CORO2B: variants seen among roughly 807,000 people sequenced by gnomAD.
CORO2B encodes coronin 2B, also known as coronin-2B.
A neutral mutation model predicts 58.8 loss-of-function variants in CORO2B; 26 were observed. The observed-to-expected ratio is 0.44, with a 90% CI of 0.32 to 0.61. CORO2B has a LOEUF of 0.61. CORO2B is among the 20% of genes least tolerant of loss of function. The probability of loss-of-function intolerance (pLI) is 0.04; values close to 1 mark genes in which losing one functional copy is unlikely to be tolerated. For missense variants in CORO2B, 460 were observed against 645.1 expected (o/e 0.71, Z 3.11); for synonymous variants, 242 against 253.8 (o/e 0.95, Z 0.44).
chr15:68,664,489 T>G (rs1172495226), intron 2 of CORO2B, among the ~76,000 whole-genome samples: 2 of 151,880 alleles, frequency 1.3e-5, no homozygotes, highest in African/African-American at 4.8e-5. Flanking sequence ...CCACTAAAAA[T>G]ACAAAAAATT....
chr15:68,547,802 A>T, the CORO2B span, among the ~76,000 whole-genome samples: 4 of 152,232 alleles, frequency 2.6e-5, no homozygotes, highest in Non-Finnish European at 5.9e-5. Context: ...TTCCATAAAT[A>T]TTAAATACTA....
At chr15:68,709,633 C>A (rs1432901804) in intron 3 of CORO2B, among the ~76,000 whole-genome samples, 1 of 151,692 alleles carries the variant, frequency 6.6e-6, no homozygotes, top group East Asian at 1.9e-4. Flanking sequence ...ATTTTTGTTT[C>A]TTTGGTAGAG....
chr15:68,692,603 A>AC (rs1233206067), intron 2 of CORO2B, among the ~76,000 whole-genome samples: 2 of 149,260 alleles, frequency 1.3e-5, no homozygotes, highest in African/African-American at 2.4e-5. Flanking sequence ...ATAAATAAAA[A>AC]AAATTAACAT....
intron 2 of CORO2B, among the ~76,000 whole-genome samples, chr15:68,649,047 C>T (rs543161041): frequency 2.6e-5 from 4 of 152,128 alleles, no homozygotes; most frequent in Admixed American, 6.5e-5. Flanking sequence ...ATTGCTTAAA[C>T]GTTTCTAAAC....
At chr15:68,719,092 G>A in intron 9 of CORO2B, 52 bp from the exon 10 acceptor site, 1 of 1,402,724 alleles carries the variant, frequency 7.1e-7, no homozygotes, top group Non-Finnish European at 1.0e-6. Context: ...GAAGAGTAGG[G>A]GCTTTCCCAG....
At chr15:68,554,958 G>GTGA in the CORO2B span, among the ~76,000 whole-genome samples, 1 of 152,206 alleles carries the variant, frequency 6.6e-6, no homozygotes, top group Non-Finnish European at 1.5e-5. Flanking sequence ...CCAGGGCTGT[G>GTGA]TGAGCGCAGA....
chr15:68,540,119 A>G, the CORO2B span, among the ~76,000 whole-genome samples: 8 of 152,380 alleles, frequency 5.3e-5, no homozygotes, highest in South Asian at 8.3e-4. Context: ...CATACTCTGT[A>G]ACATTAAAAT....
rs957367369 is a variant in CORO2B at position 68,645,463 on chromosome 15, C to T, written c.216+103C>T. On this transcript the variant is annotated intron_variant, in intron 2 of 11. Transcript: ENST00000261861. This position sits in a 1 kb window ranked among gnomAD's most constrained non-coding sequence, Gnocchi z 4.5. ...GACCCTACTTCTCTCTGAGTTCCCA[C>T]CTTTTACTTCCTCATCAAGCATCTA... is the stretch of plus-strand genomic sequence containing the variant. 4 of 1,049,198 alleles carry T rather than the reference C, an allele frequency of 3.8e-6. No individual in the cohort carries two copies. In the Admixed American group the frequency reaches 7.7e-5, roughly 20 times the overall value. 65.0% of individuals were successfully genotyped at this position (1,049,198 alleles called of 1,614,324 possible).
At chr15:68,633,837 G>A (rs1026993210) in intron 1 of CORO2B, among the ~76,000 whole-genome samples, 3 of 152,168 alleles carry the variant, frequency 2.0e-5, no homozygotes, top group Non-Finnish European at 4.4e-5. Flanking sequence ...TTATCTCTTG[G>A]GAAGGGGAAG....
chr15:68,677,626 G>T (rs1902631469), intron 2 of CORO2B, among the ~76,000 whole-genome samples: 1 of 152,194 alleles, frequency 6.6e-6, no homozygotes, highest in East Asian at 1.9e-4. Context: ...ACCTCCATGG[G>T]CAGGAAGAAA....
chr15:68,711,736 G>C, intron 5 of CORO2B, 30 bp downstream of exon 5: 1 of 1,613,194 alleles, frequency 6.2e-7, no homozygotes, highest in Non-Finnish European at 8.5e-7. Flanking sequence ...GAGATTGAAG[G>C]GGAAGGTATT....
At chr15:68,593,421 C>T (rs888694878) in intron 1 of CORO2B, among the ~76,000 whole-genome samples, 2 of 152,202 alleles carry the variant, frequency 1.3e-5, no homozygotes, top group East Asian at 1.9e-4. Flanking sequence ...AGGTGGGATC[C>T]AGGCAGTCAC....
chr15:68,533,786 T>C, the CORO2B span, among the ~76,000 whole-genome samples: 2 of 152,212 alleles, frequency 1.3e-5, no homozygotes, highest in African/African-American at 4.8e-5. Context: ...AGCAAGAGTA[T>C]AGAATATTCA....
intron 6 of CORO2B, 152 bp from the exon 7 acceptor site, chr15:68,714,407 T>C: frequency 1.5e-6 from 1 of 653,738 alleles, no homozygotes; most frequent in Non-Finnish European, 2.7e-6. Context: ...GACAAGAAAG[T>C]CAGTCTTGCC....
At chr15:68,556,692 T>G in the CORO2B span, among the ~76,000 whole-genome samples, 1 of 152,240 alleles carries the variant, frequency 6.6e-6, no homozygotes, top group African/African-American at 2.4e-5. Context: ...GTTCCTGCAC[T>G]GGTAAGAAAG....
intron 5 of CORO2B, among the ~76,000 whole-genome samples, chr15:68,712,812 C>T (rs11072044): frequency 0.88 from 133,203 of 151,918 alleles, 59,685 homozygotes; most frequent in South Asian, 0.97. Context: ...TTGGGAGACT[C>T]GAATCTCACA....
rs149539047 is a variant in CORO2B at position 68,611,087 on chromosome 15, C to CA, written c.15+31811dup. ...TTCATCAACATGAGAAAATGCGCCC[C>CA]ACCACTGAGCCACTGAGCATGACTC... On this transcript the variant is annotated intron_variant, in intron 1 of 11. Coordinates refer to ENST00000261861, the MANE Select transcript of CORO2B (RefSeq NM_006091.5). Among the ~76,000 whole-genome samples the CA allele has an allele frequency of 6.5e-3, 990 of 152,310 alleles. 11 individuals carry two copies. Among genetic ancestry groups the CA allele is most frequent in the African/African-American group, 0.023 (936 of 41,574 alleles).
chr15:68,629,000 G>T (rs1435716821), intron 1 of CORO2B, among the ~76,000 whole-genome samples: 1 of 152,240 alleles, frequency 6.6e-6, no homozygotes, highest in East Asian at 1.9e-4. Flanking sequence ...AGGGAGAAAT[G>T]AATTGTAATT....
At chr15:68,598,105 T>C (rs1000333992) in intron 1 of CORO2B, among the ~76,000 whole-genome samples, 1 of 152,210 alleles carries the variant, frequency 6.6e-6, no homozygotes, top group Non-Finnish European at 1.5e-5. Context: ...TCATCCACCT[T>C]GTTCCATAGA....
Sources: allele counts gnomAD v4.1 joint callset (sites outside exome capture counted in the v4.1 genomes callset), GRCh38; gene constraint gnomAD v4.1.1; non-coding constraint Gnocchi (gnomAD v3.1); transcripts MANE v1.5; gene names NCBI Gene and HGNC (gene_info 2026-07-23, HGNC 2026-07-21).